The following DNAH6 variants were observed in gnomAD, a reference collection of about 807,000 sequenced individuals.
DNAH6 encodes axonemal beta dynein heavy chain 6.
Under a neutral mutation model 491.4 loss-of-function variants are expected in DNAH6, and 340 were observed. The observed-to-expected ratio is 0.69, with a 90% CI of 0.63 to 0.76. The LOEUF (loss-of-function observed/expected upper bound fraction) is 0.76, where lower values mean the gene tolerates loss of function less well. DNAH6 is among the 30% of genes least tolerant of loss of function. DNAH6 has a pLI of 0.00. For missense variants in DNAH6, 4,443 were observed against 4,972.2 expected, an observed-to-expected ratio of 0.89 and a Z score of 3.20; for synonymous variants, 1,603 against 1,686.1, an observed-to-expected ratio of 0.95 and a Z score of 1.21.
chr2:84,559,613 A>G (rs1055622396), intron 11 of DNAH6, among the ~76,000 whole-genome samples: 3 of 152,186 alleles, frequency 2.0e-5, no homozygotes, highest in Admixed American at 6.5e-5. Context: ...AAAATAAAAC[A>G]TATTTCATTT....
rs1389694907 is a variant in DNAH6 at position 84,536,454 on chromosome 2, G to A, written c.662+7288G>A. Reference sequence around the variant, plus strand: ...TGGTTCTCATGATTTTTTAGACGCTGCTGTGGATTTGAACCTAAAGAAAGA... The same window carrying A: ...TGGTTCTCATGATTTTTTAGACGCTACTGTGGATTTGAACCTAAAGAAAGA... On this transcript the variant is annotated intron_variant, in intron 4 of 76. Coordinates refer to ENST00000389394, the MANE Select transcript of DNAH6 (RefSeq NM_001370.2). 2.6e-5 allele frequency among the ~76,000 whole-genome samples: 4 copies of A among 152,082 alleles called. No individual in the cohort carries two copies. The East Asian group carries it at 7.7e-4, about 29-fold the overall frequency.
At chr2:84,585,698 T>C (rs114142255) in intron 15 of DNAH6, among the ~76,000 whole-genome samples, 5,339 of 152,086 alleles carry the variant, frequency 0.035, 115 homozygotes, top group Middle Eastern at 0.092. Flanking sequence ...GTTGCTACTC[T>C]CTGCAGCTGG....
chr2:84,571,054 A>T (rs1421141785), intron 11 of DNAH6, among the ~76,000 whole-genome samples: 2 of 152,228 alleles, frequency 1.3e-5, no homozygotes, highest in Non-Finnish European at 2.9e-5. Flanking sequence ...CCAATTCTGG[A>T]CACGCTGGGA....
intron 18 of DNAH6, among the ~76,000 whole-genome samples, chr2:84,598,882 T>C (rs1184830869): frequency 6.6e-6 from 1 of 152,004 alleles, no homozygotes; most frequent in Non-Finnish European, 1.5e-5. Context: ...ATACAAAAAT[T>C]AGCTGGGCGT....
chr2:84,740,780 C>A (rs1337529700), intron 62 of DNAH6, among the ~76,000 whole-genome samples: 2 of 152,180 alleles, frequency 1.3e-5, no homozygotes, highest in African/African-American at 2.4e-5. Context: ...AAGTCTTGCC[C>A]TCTGGGAAAA....
chr2:84,801,057 G>C (rs1404276984), intron 70 of DNAH6, among the ~76,000 whole-genome samples: 1 of 139,888 alleles, frequency 7.1e-6, no homozygotes, highest in African/African-American at 2.7e-5. Context: ...GAGATCACAT[G>C]GACACAGGAA....
At chr2:84,751,842 A>C (rs150979248) in intron 63 of DNAH6, among the ~76,000 whole-genome samples, 41 of 152,372 alleles carry the variant, frequency 2.7e-4, no homozygotes, top group African/African-American at 8.9e-4. Flanking sequence ...GGTCTGGGCT[A>C]AAGACCAAGA....
chr2:84,724,170 G>A (rs1351964252), intron 60 of DNAH6, among the ~76,000 whole-genome samples: 1 of 152,146 alleles, frequency 6.6e-6, no homozygotes, highest in Non-Finnish European at 1.5e-5. Context: ...GCCAACGAAG[G>A]CCTCTCCCTC....
intron 31 of DNAH6, among the ~76,000 whole-genome samples, chr2:84,638,944 C>T (rs911281859): frequency 7.2e-5 from 11 of 151,974 alleles, no homozygotes; most frequent in Non-Finnish European, 1.6e-4. Context: ...GACCAGATCT[C>T]AGAACTCAGT....
At chr2:84,631,047 T>C (rs1318012543) in intron 29 of DNAH6, among the ~76,000 whole-genome samples, 1 of 152,154 alleles carries the variant, frequency 6.6e-6, no homozygotes, top group African/African-American at 2.4e-5. Context: ...TGCTACACAA[T>C]TCGTCTCTGA....
At chr2:84,568,672 A>G (rs75913984) in intron 11 of DNAH6, among the ~76,000 whole-genome samples, 2,223 of 152,272 alleles carry the variant, frequency 0.015, 55 homozygotes, top group African/African-American at 0.051. Flanking sequence ...ACATTTACCT[A>G]TGTAACAAAC....
chr2:84,499,486 C>T, the DNAH6 span, among the ~76,000 whole-genome samples: 2 of 152,172 alleles, frequency 1.3e-5, no homozygotes, highest in African/African-American at 4.8e-5. Flanking sequence ...CTATTGTAAA[C>T]AGTGCTGGAA....
At chr2:84,518,600 G>A (rs776943958) in intron 2 of DNAH6, among the ~76,000 whole-genome samples, 27 of 152,160 alleles carry the variant, frequency 1.8e-4, no homozygotes, top group Admixed American at 2.6e-4. Context: ...TCTCTCTGAC[G>A]TATTTGCCTT....
At chr2:84,503,449 G>C in the DNAH6 span, among the ~76,000 whole-genome samples, 1 of 152,102 alleles carries the variant, frequency 6.6e-6, no homozygotes, top group Non-Finnish European at 1.5e-5. Flanking sequence ...CACAGTTACA[G>C]TGTTATAATA....
intron 68 of DNAH6, among the ~76,000 whole-genome samples, chr2:84,793,532 G>C (rs538684436): frequency 3.9e-5 from 6 of 152,294 alleles, no homozygotes; most frequent in African/African-American, 1.4e-4. Flanking sequence ...GGAGAAACTA[G>C]AGCTTTATGT....
intron 68 of DNAH6, among the ~76,000 whole-genome samples, chr2:84,795,355 G>C (rs1185106100): frequency 6.6e-6 from 1 of 151,838 alleles, no homozygotes; most frequent in Non-Finnish European, 1.5e-5. Flanking sequence ...AATTTAATCT[G>C]TTTAGTGCAT....
intron 62 of DNAH6, among the ~76,000 whole-genome samples, chr2:84,737,070 C>T (rs1025665053): frequency 3.9e-5 from 6 of 151,952 alleles, no homozygotes; most frequent in Admixed American, 1.3e-4. Flanking sequence ...TGCTTTTCCT[C>T]GTCTATTGAG....
chr2:84,477,696 T>G, the DNAH6 span, among the ~76,000 whole-genome samples: 1 of 152,152 alleles, frequency 6.6e-6, no homozygotes, highest in Admixed American at 6.5e-5. Context: ...CCTGAAGCAA[T>G]GGACCAAGAA....
chr2:84,693,842 G>A (rs1302060801), intron 45 of DNAH6, among the ~76,000 whole-genome samples: 1 of 152,012 alleles, frequency 6.6e-6, no homozygotes. Context: ...CTCTCCTTCT[G>A]CACTGTGGTG....
Sources: gnomAD v4.1 joint callset for allele counts (sites outside exome capture counted in the v4.1 genomes callset) on GRCh38, gnomAD v4.1.1 for gene constraint, MANE v1.5 for transcripts, NCBI Gene and HGNC (gene_info 2026-07-23, HGNC 2026-07-21) for gene names.